The following BBX variants were observed in gnomAD, a reference collection of about 807,000 sequenced individuals.
BBX encodes BBX high mobility group box domain containing.
Under a neutral mutation model 100.2 loss-of-function variants are expected in BBX, and 30 were observed. The ratio of observed to expected loss-of-function variants is 0.30; its 90% CI spans 0.22 to 0.41. BBX has a LOEUF of 0.41. BBX is among the 10% of genes least tolerant of loss of function. BBX has a pLI of 1.00. For synonymous variants in BBX, 376 were observed against 388.1 expected (o/e 0.97, Z 0.37); for missense variants, 1,023 against 1,129.8 (o/e 0.91, Z 1.35).
At chr3:107,574,449 A>G (rs1210487835) in intron 2 of BBX, among the ~76,000 whole-genome samples, 2 of 152,186 alleles carry the variant, frequency 1.3e-5, no homozygotes, top group East Asian at 1.9e-4. Flanking sequence ...TTAGATAAGT[A>G]TCTATTAAAG....
intron 2 of BBX, among the ~76,000 whole-genome samples, chr3:107,583,938 T>TA (rs1559839018): frequency 1.0e-5 from 1 of 100,318 alleles, no homozygotes; most frequent in Non-Finnish European, 1.8e-5. Flanking sequence ...AATATATATA[T>TA]TATATATATT....
chr3:107,743,918 G>GTTTTTTTTTTTTTTTTTTTTTTTTATTTT (rs2064329710), intron 7 of BBX, among the ~76,000 whole-genome samples: 2 of 56,622 alleles, frequency 3.5e-5, no homozygotes, highest in African/African-American at 7.0e-5. Flanking sequence ...TGTTTTAGTG[G>GTTTTTTTTTTTTTTTTTTTTTTTTATTTT]TTTTTTTTTT....
chr3:107,796,743 A>T (rs918377074), intron 15 of BBX, among the ~76,000 whole-genome samples: 1 of 152,192 alleles, frequency 6.6e-6, no homozygotes. Flanking sequence ...AACTTAAAAT[A>T]TGTACCACCA....
At chr3:107,725,334 T>C (rs569593103) in intron 5 of BBX, among the ~76,000 whole-genome samples, 1 of 152,172 alleles carries the variant, frequency 6.6e-6, no homozygotes, top group Non-Finnish European at 1.5e-5. Context: ...TTTCTAGATA[T>C]ACAATCATGT....
chr3:107,746,806 G>T (rs2064649552), intron 8 of BBX, among the ~76,000 whole-genome samples: 1 of 152,028 alleles, frequency 6.6e-6, no homozygotes, highest in Admixed American at 6.6e-5. Flanking sequence ...TAACTACGTG[G>T]CCCTGTTGTT....
At chr3:107,791,666 T>C (rs2069056223) in intron 15 of BBX, among the ~76,000 whole-genome samples, 1 of 152,148 alleles carries the variant, frequency 6.6e-6, no homozygotes, top group South Asian at 2.1e-4. Flanking sequence ...TGGGCAGGCC[T>C]GCAGGAGTAA....
chr3:107,633,275 ATG>A (rs1448341243), intron 2 of BBX, among the ~76,000 whole-genome samples: 1 of 152,136 alleles, frequency 6.6e-6, no homozygotes, highest in Non-Finnish European at 1.5e-5. Context: ...GTGCAATAAA[ATG>A]AGCATAAGCT....
intron 2 of BBX, among the ~76,000 whole-genome samples, chr3:107,640,603 A>G (rs1218914338): frequency 6.6e-6 from 1 of 151,812 alleles, no homozygotes; most frequent in Non-Finnish European, 1.5e-5. Context: ...TGTGTATGTG[A>G]TCACCCAACT....
At chr3:107,598,999 A>G (rs2053864696) in intron 2 of BBX, among the ~76,000 whole-genome samples, 1 of 152,002 alleles carries the variant, frequency 6.6e-6, no homozygotes. Context: ...GAGGAAGGGG[A>G]TATTAACAGG....
intron 2 of BBX, among the ~76,000 whole-genome samples, chr3:107,550,814 G>A (rs914261039): frequency 6.6e-6 from 1 of 152,178 alleles, no homozygotes; most frequent in East Asian, 1.9e-4. Flanking sequence ...AGAGCTGGAA[G>A]TAATTACTCA....
chr3:107,550,996 A>G lies in BBX; in HGVS notation c.-84+24598A>G, dbSNP rs1045543582. On this transcript the variant is annotated intron_variant, in intron 2 of 17. Coordinates refer to ENST00000325805, the MANE Select transcript of BBX (RefSeq NM_001142568.3). Reference sequence around the variant, plus strand: ...TGAGAAAATGAAAACCTCAAATCAAATTTCCTGGAACAACTTTTTTGGAGA... The same window carrying G: ...TGAGAAAATGAAAACCTCAAATCAAGTTTCCTGGAACAACTTTTTTGGAGA... Among the ~76,000 whole-genome samples, 30 of 152,194 alleles carry G rather than the reference A, an allele frequency of 2.0e-4. 1 individual carries two copies. The highest frequency in any genetic ancestry group is 7.3e-5 in the Non-Finnish European group (5 of 68,034).
intron 7 of BBX, among the ~76,000 whole-genome samples, chr3:107,738,274 TA>T (rs1397853712): frequency 6.6e-6 from 1 of 152,072 alleles, no homozygotes; most frequent in African/African-American, 2.4e-5. Flanking sequence ...AGTCATATTT[TA>T]AAAAATTTTC....
At chr3:107,597,979 A>AG (rs1313377409) in intron 2 of BBX, among the ~76,000 whole-genome samples, 1 of 152,158 alleles carries the variant, frequency 6.6e-6, no homozygotes, top group Non-Finnish European at 1.5e-5. Context: ...AAGGTAAGAT[A>AG]GGGTAATCTA....
Position 107,773,332 on chromosome 3 carries a change from A to T in BBX, c.1611A>T (p.Lys537Asn). The T allele has an allele frequency of 1.9e-6, 3 of 1,614,098 alleles. No individual in the cohort carries two copies. The highest frequency in any genetic ancestry group is 2.5e-6 in the Non-Finnish European group (3 of 1,179,998). ...PKKKVKSREK[K>N]MSKEKSSDTT... ...AAAAAGTGAAATCAAGAGAGAAGAA[A>T]ATGTCAAAGGAGAAATCCTCAGACA... Residue 537 changes from lysine (K) to asparagine (N), a missense_variant, in exon 11 of 18, where the codon AAA becomes AAT. Physicochemically the swap from Lys to Asn is moderately conservative, Grantham distance 94 (BLOSUM62 0). Coordinates refer to ENST00000325805, the MANE Select transcript of BBX (RefSeq NM_001142568.3). The surrounding 1 kb of genome is among the most constrained non-coding windows in gnomAD (Gnocchi z 4.1).
chr3:107,541,288 G>A (rs1025849235), intron 2 of BBX, among the ~76,000 whole-genome samples: 5 of 152,140 alleles, frequency 3.3e-5, no homozygotes, highest in African/African-American at 1.2e-4. Context: ...TGTCTAGAGA[G>A]CAGTGCAAAA....
chr3:107,671,077 A>G (rs79873746), intron 3 of BBX, among the ~76,000 whole-genome samples: 13 of 151,092 alleles, frequency 8.6e-5, no homozygotes, highest in African/African-American at 3.2e-4. Flanking sequence ...ATTTTAAAAA[A>G]ATTTTTTGGA....
At chr3:107,660,578 T>C (rs909955982) in intron 3 of BBX, among the ~76,000 whole-genome samples, 2 of 150,042 alleles carry the variant, frequency 1.3e-5, no homozygotes, top group Admixed American at 1.3e-4. Flanking sequence ...AGCAGTACTG[T>C]ACTTTAGACC....
At chr3:107,757,221 A>G (rs1182079274) in intron 10 of BBX, among the ~76,000 whole-genome samples, 1 of 152,078 alleles carries the variant, frequency 6.6e-6, no homozygotes, top group African/African-American at 2.4e-5. Flanking sequence ...AAAATGTATG[A>G]ACCTTTGGGG....
At chr3:107,714,079 G>A (rs1054278111) in intron 4 of BBX, among the ~76,000 whole-genome samples, 9 of 144,348 alleles carry the variant, frequency 6.2e-5, no homozygotes, top group Non-Finnish European at 1.3e-4. Context: ...AGGTTCAGGT[G>A]ATTCTCCTGC....
Sources: gnomAD v4.1 joint callset for allele counts (sites outside exome capture counted in the v4.1 genomes callset) on GRCh38, gnomAD v4.1.1 for gene constraint, Gnocchi (gnomAD v3.1) non-coding constraint, MANE v1.5 for transcripts, NCBI Gene and HGNC (gene_info 2026-07-23, HGNC 2026-07-21) for gene names.